CFAP92: variants seen among roughly 807,000 people sequenced by gnomAD.
CFAP92 encodes the protein uncharacterized protein CFAP92.
Under a neutral mutation model 106.3 loss-of-function variants are expected in CFAP92, and 86 were observed. That is an observed-to-expected ratio of 0.81 (90% confidence interval 0.68 to 0.97). The LOEUF (loss-of-function observed/expected upper bound fraction) is 0.97, where lower values mean the gene tolerates loss of function less well. CFAP92 is among the 50% of genes least tolerant of loss of function. The pLI, the probability that CFAP92 is intolerant of heterozygous loss-of-function variation, is 0.00. For missense variants in CFAP92, 1,204 were observed against 1,283.8 expected, an observed-to-expected ratio of 0.94 and a Z score of 0.95; for synonymous variants, 477 against 506.4, an observed-to-expected ratio of 0.94 and a Z score of 0.78.
chr3:128,958,529 C>T (rs1194379137), intron 9 of CFAP92, among the ~76,000 whole-genome samples: 1 of 152,196 alleles, frequency 6.6e-6, no homozygotes, highest in Non-Finnish European at 1.5e-5. Context: ...ACTGTCTTTG[C>T]AACTTTCCGT....
chr3:128,948,198 A>G (rs1488948997), intron 9 of CFAP92, among the ~76,000 whole-genome samples: 1 of 151,490 alleles, frequency 6.6e-6, no homozygotes, highest in Non-Finnish European at 1.5e-5. Context: ...TATTATATAT[A>G]TATATTTATG....
rs767950095 is a variant in CFAP92 at position 128,971,363 on chromosome 3, CTCT to C, written c.1089_1091del (p.Glu364del). On this transcript the variant is annotated inframe_deletion, in exon 8 of 16. Coordinates refer to ENST00000645291, the MANE Select transcript of CFAP92 (RefSeq NM_001394090.1). ...TGGGGCCTGTCAGCGTGGGGTCTGC[CTCT>C]TCTTCTGCCAGGGGCTTCTTATGTC... 107 of 1,613,552 alleles carry C rather than the reference CTCT, an allele frequency of 6.6e-5. No homozygotes were observed. The highest frequency in any genetic ancestry group is 8.5e-5 in the Non-Finnish European group (100 of 1,179,746).
chr3:128,915,562 T>G lies in CFAP92; in HGVS notation c.2918A>C (p.Glu973Ala). The stretch of plus-strand genomic sequence containing the variant: ...TGAGTACGTGAATCTCTTTCTTGGC[T>G]CCTAGAAATGGGGGCAGACAGGTTG... ...KKELYQEIAK[E>A]PRKRFTYSQD... is the part of the protein sequence containing the mutation. Residue 973 changes from glutamate to alanine, a missense_variant and splice_region_variant, in exon 14 of 16, where the codon GAG becomes GCG. Physicochemically the swap from Glu to Ala is moderately radical, Grantham distance 107. Transcript: ENST00000645291. The G allele has an allele frequency of 6.6e-7, 1 of 1,505,544 alleles. No individual in the cohort carries two copies. Among genetic ancestry groups the G allele is most frequent in the Non-Finnish European group, 8.8e-7 (1 of 1,131,522 alleles). The allele number at this position is 1,505,544 out of a possible 1,614,324, so 93.3% of individuals were successfully genotyped here.
intron 15 of CFAP92, chr3:128,910,938 G>A (rs1474848632): frequency 8.3e-7 from 1 of 1,206,902 alleles, no homozygotes; most frequent in Non-Finnish European, 1.2e-6. Flanking sequence ...TCTGCCTTGA[G>A]CGAGGGCCTG....
chr3:128,931,485 G>A (rs1400674379), intron 12 of CFAP92, among the ~76,000 whole-genome samples: 22 of 145,328 alleles, frequency 1.5e-4, no homozygotes, highest in African/African-American at 4.9e-4. Flanking sequence ...GTATATATAT[G>A]TATGTATGTA....
chr3:128,935,388 C>T, intron 10 of CFAP92, 69 bp from the exon 11 acceptor site: 1 of 1,063,846 alleles, frequency 9.4e-7, no homozygotes, highest in Non-Finnish European at 1.3e-6. Context: ...TGAGGGTGCG[C>T]TGTCAGGTAC....
upstream of CFAP92, among the ~76,000 whole-genome samples, chr3:129,006,587 A>T (rs1169193172): frequency 1.3e-5 from 2 of 152,208 alleles, no homozygotes; most frequent in East Asian, 3.8e-4. Context: ...AAGTGCTGGG[A>T]TTACAGGTGT....
chr3:129,008,835 C>T, the CFAP92 span, among the ~76,000 whole-genome samples: 197 of 152,320 alleles, frequency 1.3e-3, 1 homozygote, highest in African/African-American at 4.6e-3. Flanking sequence ...TCCTAAGAGG[C>T]TCCTGGTCCC....
At position 128,975,874 on chromosome 3, in the gene CFAP92, G is replaced by A; in HGVS notation, c.926C>T (p.Ser309Phe). Reference protein sequence around the residue: ...QWSVSRTPTISLAGASMMEIK... With the variant: ...QWSVSRTPTIFLAGASMMEIK... The stretch of plus-strand genomic sequence containing the variant: ...CTCCATCATGCTTGCTCCTGCCAAA[G>A]AAATGGTTGGTGTTCTTGAAACACT... Residue 309 changes from serine (S) to phenylalanine (F), a missense_variant, in exon 7 of 16, where the codon TCT becomes TTT. By Grantham distance (155) the Ser-to-Phe change is radical. Transcript: ENST00000645291. 6.2e-7 allele frequency: 1 copy of A among 1,609,876 alleles called. No homozygotes were observed. Among genetic ancestry groups the A allele is most frequent in the Non-Finnish European group, 8.5e-7 (1 of 1,178,284 alleles).
Position 128,912,343 on chromosome 3 carries a change from C to T in CFAP92, c.3281-2010G>A, listed in dbSNP as rs557713323. 4.6e-5 allele frequency among the ~76,000 whole-genome samples: 7 copies of T among 152,224 alleles called. No individual in the cohort carries two copies. The South Asian group carries it at 1.5e-3, about 32-fold the overall frequency. On this transcript the variant is annotated intron_variant, in intron 15 of 15. Coordinates refer to ENST00000645291, the MANE Select transcript of CFAP92 (RefSeq NM_001394090.1). ...GAATGAAGCTGTACCCCTTTCTCTC[C>T]CTGCAGCCCTGAATCACTTGCTGGG...
At chr3:128,944,223 G>A (rs1283810154) in intron 10 of CFAP92, among the ~76,000 whole-genome samples, 1 of 152,150 alleles carries the variant, frequency 6.6e-6, no homozygotes, top group Non-Finnish European at 1.5e-5. Context: ...GTGAGCTACT[G>A]CACCTGGCCT....
intron 12 of CFAP92, among the ~76,000 whole-genome samples, chr3:128,929,060 A>G (rs1469867908): frequency 6.6e-6 from 1 of 152,178 alleles, no homozygotes; most frequent in Non-Finnish European, 1.5e-5. Flanking sequence ...GGGGTTCAAG[A>G]CCAGCCTGGG....
At chr3:128,995,559 AC>A (rs1406412957), upstream of CFAP92, among the ~76,000 whole-genome samples, 1 of 152,132 alleles carries the variant, frequency 6.6e-6, no homozygotes, top group Admixed American at 6.5e-5. Context: ...GTTCAACACT[AC>A]CACCACTCTT....
At chr3:129,023,192 T>C in the CFAP92 span, among the ~76,000 whole-genome samples, 1 of 152,232 alleles carries the variant, frequency 6.6e-6, no homozygotes, top group African/African-American at 2.4e-5. Flanking sequence ...GAGCTCAGCC[T>C]GCTATTTGTT....
At chr3:128,983,730 C>G (rs1316744370) in intron 4 of CFAP92, among the ~76,000 whole-genome samples, 2 of 152,210 alleles carry the variant, frequency 1.3e-5, no homozygotes, top group Non-Finnish European at 2.9e-5. Context: ...GCCCAGCTGG[C>G]TGGAGGCAGG....
At chr3:129,003,921 G>T (rs1299097117), upstream of CFAP92, 2 of 1,367,812 alleles carry the variant, frequency 1.5e-6, no homozygotes, top group East Asian at 6.3e-5. Flanking sequence ...GGGCGGCTGC[G>T]CCGTGGCCAG....
chr3:128,987,107 G>C (rs1943903398), intron 4 of CFAP92, among the ~76,000 whole-genome samples: 1 of 152,098 alleles, frequency 6.6e-6, no homozygotes, highest in Non-Finnish European at 1.5e-5. Context: ...GTTGCAGTGA[G>C]CCGAGATCGC....
chr3:128,938,906 G>C (rs1939339131), intron 10 of CFAP92, among the ~76,000 whole-genome samples: 1 of 152,124 alleles, frequency 6.6e-6, no homozygotes, highest in Non-Finnish European at 1.5e-5. Context: ...GGTCAGTGTA[G>C]AAAATCCCAA....
chr3:128,989,997 C>T (rs1320441211), intron 2 of CFAP92, among the ~76,000 whole-genome samples: 2 of 152,180 alleles, frequency 1.3e-5, no homozygotes, highest in African/African-American at 4.8e-5. Context: ...GCCTTCAATC[C>T]AGCAAATTTA....
Sources: gnomAD v4.1 joint callset for allele counts (sites outside exome capture counted in the v4.1 genomes callset) on GRCh38, gnomAD v4.1.1 for gene constraint, MANE v1.5 for transcripts, NCBI Gene and HGNC (gene_info 2026-07-23, HGNC 2026-07-21) for gene names.